The following PDE1A variants were observed in gnomAD, a reference collection of about 807,000 sequenced individuals.
PDE1A encodes the protein phosphodiesterase 1A.
PDE1A carries 35 observed loss-of-function variants against 61.7 expected under a neutral mutation model. The ratio of observed to expected loss-of-function variants is 0.57; its 90% CI spans 0.43 to 0.75. The LOEUF (loss-of-function observed/expected upper bound fraction) is 0.75. Among genes scored for constraint, PDE1A ranks in the 30% least tolerant of loss-of-function variants. The pLI, the probability that PDE1A is intolerant of heterozygous loss-of-function variation, is 0.00. For missense variants in PDE1A, 597 were observed against 630.6 expected, an observed-to-expected ratio of 0.95 and a Z score of 0.57; for synonymous variants, 232 against 213.2, an observed-to-expected ratio of 1.09 and a Z score of -0.77.
chr2:182,660,842 GACTCAA>G, the PDE1A span, among the ~76,000 whole-genome samples: 1 of 152,208 alleles, frequency 6.6e-6, no homozygotes, highest in Non-Finnish European at 1.5e-5. Context: ...CGGCCCTTAA[GACTCAA>G]ACAGAGAGTT....
intron 2 of PDE1A, among the ~76,000 whole-genome samples, chr2:182,489,861 G>A (rs1559508185): frequency 6.6e-6 from 1 of 152,148 alleles, no homozygotes; most frequent in Non-Finnish European, 1.5e-5. Flanking sequence ...GGCACTAATC[G>A]GTAGAGCATG....
At chr2:182,474,992 G>A (rs767513638) in intron 2 of PDE1A, among the ~76,000 whole-genome samples, 7 of 151,922 alleles carry the variant, frequency 4.6e-5, no homozygotes, top group African/African-American at 7.2e-5. Flanking sequence ...AGTCAGTGTG[G>A]CTTGACATCA....
intron 2 of PDE1A, among the ~76,000 whole-genome samples, chr2:182,462,062 C>G (rs929330750): frequency 1.3e-5 from 2 of 150,206 alleles, no homozygotes; most frequent in Admixed American, 1.3e-4. Flanking sequence ...CAAACTATCG[C>G]AAGAATAAAA....
the PDE1A span, among the ~76,000 whole-genome samples, chr2:182,658,820 T>C: frequency 1.3e-5 from 2 of 152,186 alleles, no homozygotes; most frequent in African/African-American, 4.8e-5. Flanking sequence ...TCCAGAAGTT[T>C]CTCTTTGTAT....
At chr2:182,241,930 C>A in intron 2 of PDE1A, 1 of 1,517,092 alleles carries the variant, frequency 6.6e-7, no homozygotes, top group South Asian at 1.3e-5. Context: ...ATTAGATTCC[C>A]TAGCCCATTT....
intron 7 of PDE1A, among the ~76,000 whole-genome samples, chr2:182,215,518 G>A (rs970755636): frequency 1.3e-5 from 2 of 151,472 alleles, no homozygotes; most frequent in African/African-American, 4.9e-5. Context: ...CAGACCGCTA[G>A]CAAGACTAAT....
chr2:182,205,771 T>G (rs1280010260), intron 8 of PDE1A, among the ~76,000 whole-genome samples, 169 bp downstream of exon 8: 1 of 152,206 alleles, frequency 6.6e-6, no homozygotes, highest in South Asian at 2.1e-4. Context: ...ACAGTCTGGC[T>G]CTGAACAAAG....
intron 1 of PDE1A, among the ~76,000 whole-genome samples, chr2:182,305,737 A>G (rs151276974): frequency 5.5e-4 from 83 of 152,176 alleles, no homozygotes; most frequent in African/African-American, 1.7e-3. Context: ...AAAGTAGATA[A>G]TTATTTTTAT....
chr2:182,467,543 A>G (rs898992455), intron 2 of PDE1A, among the ~76,000 whole-genome samples: 7 of 151,924 alleles, frequency 4.6e-5, no homozygotes, highest in Admixed American at 1.3e-4. Context: ...AAAACTTCCC[A>G]ATTTATTTTA....
intron 1 of PDE1A, among the ~76,000 whole-genome samples, chr2:182,406,886 G>A (rs1702327967): frequency 6.6e-6 from 1 of 151,782 alleles, no homozygotes; most frequent in Admixed American, 6.6e-5. Context: ...CCTTCTTGTT[G>A]CTCTGTCACA....
intron 7 of PDE1A, among the ~76,000 whole-genome samples, chr2:182,214,063 G>A (rs201146726): frequency 0.7 from 97,926 of 139,162 alleles, 34,723 homozygotes; most frequent in East Asian, 0.9. Flanking sequence ...GACTAACAGC[G>A]GATCTCTCGG....
At chr2:182,456,060 C>A (rs1334927311) in intron 2 of PDE1A, among the ~76,000 whole-genome samples, 1 of 152,000 alleles carries the variant, frequency 6.6e-6, no homozygotes, top group Non-Finnish European at 1.5e-5. Flanking sequence ...AGATCTAATT[C>A]ATATCTTTGA....
intron 1 of PDE1A, among the ~76,000 whole-genome samples, chr2:182,321,712 T>C (rs1696704955): frequency 1.3e-5 from 2 of 152,166 alleles, no homozygotes; most frequent in South Asian, 2.1e-4. Context: ...CTTTAGGACT[T>C]GCATCTAGAA....
At chr2:182,527,357 T>C (rs1454281536), upstream of PDE1A, among the ~76,000 whole-genome samples, 22 of 45,986 alleles carry the variant, frequency 4.8e-4, 4 homozygotes, top group East Asian at 6.9e-4. Context: ...TATATATATA[T>C]ATATATATAT....
intron 1 of PDE1A, among the ~76,000 whole-genome samples, chr2:182,381,068 A>G (rs924012635): frequency 6.6e-6 from 1 of 152,216 alleles, no homozygotes; most frequent in African/African-American, 2.4e-5. Flanking sequence ...ATGAGCTCTA[A>G]GCACTTAGAA....
At chr2:182,627,196 ATAT>A in the PDE1A span, among the ~76,000 whole-genome samples, 1 of 30,304 alleles carries the variant, frequency 3.3e-5, no homozygotes, top group African/African-American at 8.6e-5. Context: ...TATAAATATT[ATAT>A]TATTTATATA....
In PDE1A at chr2:182,223,854, T is replaced by G. The variant is rs1202062412; in HGVS notation, c.776+10A>C. 4 of 1,507,754 alleles carry G rather than the reference T, an allele frequency of 2.7e-6. No individual in the cohort carries two copies. Among genetic ancestry groups the G allele is most frequent in the Non-Finnish European group, 3.6e-6 (4 of 1,109,904 alleles). The allele number at this position is 1,507,754 out of a possible 1,614,324, so 93.4% of individuals were successfully genotyped here. A position where few individuals can be genotyped will look rare whatever the true frequency, so the allele number is the denominator to read the frequency against. ...TTAACTAATGAAAGTTAATACTTTT[T>G]CAGACTTACCTTGTCTGAATGTGAA... On this transcript the variant is annotated intron_variant, in intron 7 of 13. Transcript: ENST00000351439.
At chr2:182,440,859 T>C (rs893448479) in intron 2 of PDE1A, among the ~76,000 whole-genome samples, 1 of 152,084 alleles carries the variant, frequency 6.6e-6, no homozygotes, top group Admixed American at 6.6e-5. Flanking sequence ...GTTTAATTAC[T>C]GTAGCTTTTA....
intron 1 of PDE1A, among the ~76,000 whole-genome samples, chr2:182,276,325 A>T (rs1272789831): frequency 6.6e-6 from 1 of 152,088 alleles, no homozygotes; most frequent in Non-Finnish European, 1.5e-5. Flanking sequence ...CGGCAGAGGA[A>T]CATAAATTGC....
Sources: gnomAD v4.1 joint callset for allele counts (sites outside exome capture counted in the v4.1 genomes callset) on GRCh38, gnomAD v4.1.1 for gene constraint, MANE v1.5 for transcripts, NCBI Gene and HGNC (gene_info 2026-07-23, HGNC 2026-07-21) for gene names.